The following CARMIL1 variants were observed in gnomAD, a reference collection of about 807,000 sequenced individuals.
CARMIL1 encodes the protein F-actin-uncapping protein LRRC16A.
CARMIL1 carries 90 observed loss-of-function variants against 177.1 expected under a neutral mutation model. The ratio of observed to expected loss-of-function variants is 0.51; its 90% CI spans 0.43 to 0.61. CARMIL1 has a LOEUF of 0.61. CARMIL1 is among the 20% of genes least tolerant of loss of function. The pLI is 0.00. For synonymous variants in CARMIL1, 577 were observed against 606.2 expected, an observed-to-expected ratio of 0.95 and a Z score of 0.71; for missense variants, 1,380 against 1,667.0, an observed-to-expected ratio of 0.83 and a Z score of 3.00.
At chr6:25,517,210 AT>A in intron 21 of CARMIL1, 136 bp from the exon 22 acceptor site, 1 of 607,760 alleles carries the variant, frequency 1.6e-6, no homozygotes, top group Non-Finnish European at 2.9e-6. Flanking sequence ...AGAAATGAAG[AT>A]GAACATTATT....
At chr6:25,609,636 A>T (rs1816336779) in intron 35 of CARMIL1, among the ~76,000 whole-genome samples, 1 of 152,208 alleles carries the variant, frequency 6.6e-6, no homozygotes, top group Non-Finnish European at 1.5e-5. Context: ...GCATGCATAC[A>T]CATACACACA....
At chr6:25,362,863 C>T (rs1386587672) in intron 2 of CARMIL1, among the ~76,000 whole-genome samples, 1 of 151,786 alleles carries the variant, frequency 6.6e-6, no homozygotes, top group African/African-American at 2.4e-5. Context: ...GGTGAAACCT[C>T]GTCTCTACTA....
intron 2 of CARMIL1, among the ~76,000 whole-genome samples, chr6:25,352,684 C>G (rs981647876): frequency 1.3e-5 from 2 of 152,150 alleles, no homozygotes; most frequent in African/African-American, 4.8e-5. Context: ...GCTTCACACT[C>G]ATGTCTCTTG....
At chr6:25,409,276 G>A (rs1794694547) in intron 2 of CARMIL1, among the ~76,000 whole-genome samples, 1 of 152,184 alleles carries the variant, frequency 6.6e-6, no homozygotes, top group South Asian at 2.1e-4. Flanking sequence ...TAGCAAGTTT[G>A]CACACTGTCT....
chr6:25,323,758 T>G (rs569945613), intron 2 of CARMIL1, among the ~76,000 whole-genome samples: 24 of 152,366 alleles, frequency 1.6e-4, no homozygotes, highest in Admixed American at 4.6e-4. Context: ...CCTTTGGAAG[T>G]TGGGACTGTT....
At position 25,316,753 on chromosome 6, in the gene CARMIL1, AAG is replaced by A. The variant is rs970455608; in HGVS notation, c.138+31847_138+31848del. ...TTTAAAGACTAGTCTAGTGTAATAG[AAG>A]AGGGAAAGAGAAGAACAAGAAGTTC... On this transcript the variant is annotated intron_variant, in intron 2 of 36. Transcript: ENST00000329474. Among the ~76,000 whole-genome samples the A allele has an allele frequency of 3.6e-4, 54 of 152,052 alleles. 2 individuals carry two copies. Among genetic ancestry groups the A allele is most frequent in the Non-Finnish European group, 1.5e-5 (1 of 67,978 alleles).
rs199888691 is a variant in CARMIL1, at chr6:25,529,573, G to A, written c.2067+680G>A. On this transcript the variant is annotated intron_variant, in intron 24 of 36. Transcript: ENST00000329474. The stretch of plus-strand genomic sequence containing the variant: ...TTGAGCTCAGATAATGCAGAGTACA[G>A]CAGAGAGCTTTAAAAAAAATTGTTA... Among the ~76,000 whole-genome samples the A allele has an allele frequency of 9.3e-4, 142 of 152,188 alleles. 1 individual carries two copies. In the South Asian group the frequency reaches 0.022, roughly 23 times the overall value.
intron 26 of CARMIL1, among the ~76,000 whole-genome samples, chr6:25,540,558 AC>A (rs1444017198): frequency 6.6e-6 from 1 of 152,180 alleles, no homozygotes; most frequent in East Asian, 1.9e-4. Context: ...GGTTGCAGAG[AC>A]CTGCCTATAG....
chr6:25,471,258 G>A lies in CARMIL1; in HGVS notation c.779+1G>A, dbSNP rs770566238. 1.9e-6 allele frequency: 3 copies of A among 1,603,186 alleles called. No homozygotes were observed. The highest frequency in any genetic ancestry group is 1.7e-5 in the Admixed American group (1 of 59,646). ...TGTTGGAAAATGCTGGACTTAGAAC[G>A]TGAGTATTTTCCTGAATATATAAAT... On this transcript the variant is annotated splice_donor_variant, in intron 10 of 36. Transcript: ENST00000329474. LOFTEE classifies it high-confidence loss of function.
At chr6:25,458,482 TC>T (rs1281970783) in intron 8 of CARMIL1, among the ~76,000 whole-genome samples, 2 of 77,870 alleles carry the variant, frequency 2.6e-5, no homozygotes, top group African/African-American at 1.0e-4. Flanking sequence ...CGAGACTCTG[TC>T]TCAAAAAAAA....
At chr6:25,553,922 G>A (rs1234757480) in intron 27 of CARMIL1, 87 bp from the exon 28 acceptor site, 1 of 789,428 alleles carries the variant, frequency 1.3e-6, no homozygotes, top group East Asian at 2.7e-5. Flanking sequence ...AATCACAGTT[G>A]ACCTTATCAC....
chr6:25,539,230 G>A (rs1186749651), intron 25 of CARMIL1, among the ~76,000 whole-genome samples: 1 of 152,114 alleles, frequency 6.6e-6, no homozygotes, highest in Non-Finnish European at 1.5e-5. Context: ...CCTGGGACCT[G>A]TGAGTGCCAT....
At chr6:25,510,486 A>G in intron 18 of CARMIL1, 21 bp from the exon 19 acceptor site, 2 of 1,368,664 alleles carry the variant, frequency 1.5e-6, no homozygotes, top group African/African-American at 1.5e-5. Context: ...TTGATGTTCT[A>G]CTTACTCTGA....
At chr6:25,319,551 CAGAGAGTTAT>C in intron 2 of CARMIL1, among the ~76,000 whole-genome samples, 1 of 152,058 alleles carries the variant, frequency 6.6e-6, no homozygotes. Flanking sequence ...GCAGTGCACA[CAGAGAGTTAT>C]ATGTTTTTTA....
intron 5 of CARMIL1, among the ~76,000 whole-genome samples, chr6:25,436,953 G>T (rs911528238): frequency 2.0e-5 from 3 of 152,156 alleles, no homozygotes; most frequent in Non-Finnish European, 4.4e-5. Flanking sequence ...CACACAGGCG[G>T]TTCTGGAGAA....
chr6:25,401,208 CTTAA>C (rs1234708294), intron 2 of CARMIL1, among the ~76,000 whole-genome samples: 1 of 152,038 alleles, frequency 6.6e-6, no homozygotes, highest in Non-Finnish European at 1.5e-5. Flanking sequence ...TGTCTCAGCT[CTTAA>C]TTAATAATGT....
At chr6:25,307,478 G>C (rs948069941) in intron 2 of CARMIL1, among the ~76,000 whole-genome samples, 1 of 152,122 alleles carries the variant, frequency 6.6e-6, no homozygotes, top group African/African-American at 2.4e-5. Flanking sequence ...AAATTGATTA[G>C]ATGTGCAACA....
At chr6:25,280,798 A>G (rs1354818151) in intron 1 of CARMIL1, among the ~76,000 whole-genome samples, 2 of 152,008 alleles carry the variant, frequency 1.3e-5, no homozygotes, top group African/African-American at 4.8e-5. Flanking sequence ...AGTGACCTAT[A>G]TTCCCTCCTG....
At chr6:25,522,691 A>T (rs1398324605) in intron 23 of CARMIL1, among the ~76,000 whole-genome samples, 1 of 152,136 alleles carries the variant, frequency 6.6e-6, no homozygotes, top group Non-Finnish European at 1.5e-5. Context: ...GATTTAAGTT[A>T]CCTGGCTCCA....
Sources: gnomAD v4.1 joint callset for allele counts (sites outside exome capture counted in the v4.1 genomes callset) on GRCh38, gnomAD v4.1.1 for gene constraint, MANE v1.5 for transcripts, NCBI Gene and HGNC (gene_info 2026-07-23, HGNC 2026-07-21) for gene names.